The following ATG2B variants were observed in gnomAD, a reference collection of about 807,000 sequenced individuals.
ATG2B encodes the protein autophagy-related protein 2 homolog B.
In ATG2B, 121 loss-of-function variants were observed where a neutral mutation model predicts 241.3. The ratio of observed to expected loss-of-function variants is 0.50; its 90% CI spans 0.43 to 0.58. The LOEUF (loss-of-function observed/expected upper bound fraction) is 0.58, where lower values mean the gene tolerates loss of function less well. Among genes scored for constraint, ATG2B ranks in the 20% least tolerant of loss-of-function variants. The pLI is 0.00. For synonymous variants in ATG2B, 858 were observed against 876.6 expected (o/e 0.98, Z 0.37); for missense variants, 2,306 against 2,491.6 (o/e 0.93, Z 1.59).
intron 1 of ATG2B, among the ~76,000 whole-genome samples, chr14:96,349,871 G>T (rs1888267334): frequency 6.6e-6 from 1 of 152,170 alleles, no homozygotes; most frequent in Non-Finnish European, 1.5e-5. Context: ...TACAAACACA[G>T]AGGGTAGGTC....
rs771952867 is a variant in ATG2B, at chr14:96,290,409, A to G, written c.5856+27T>C. The G allele has an allele frequency of 3.8e-6, 6 of 1,594,458 alleles. No individual in the cohort carries two copies. The highest frequency in any genetic ancestry group is 5.1e-6 in the Non-Finnish European group (6 of 1,168,926). Reference sequence around the variant, plus strand: ...ACCATTTCACAATGGCTCTTTTTGGATAGACTAAGGCAGTCTAAAAAGATA... The same window carrying G: ...ACCATTTCACAATGGCTCTTTTTGGGTAGACTAAGGCAGTCTAAAAAGATA... On this transcript the variant is annotated intron_variant, in intron 40 of 41. Coordinates refer to ENST00000359933, the MANE Select transcript of ATG2B (RefSeq NM_018036.7). This position sits in a 1 kb window ranked among gnomAD's most constrained non-coding sequence, Gnocchi z 4.4.
chr14:96,317,543 A>G (rs1411939341), intron 19 of ATG2B, among the ~76,000 whole-genome samples, 155 bp downstream of exon 19: 26 of 152,382 alleles, frequency 1.7e-4, no homozygotes, highest in Admixed American at 1.3e-3. Flanking sequence ...ATATACAGAT[A>G]GAAATAAGGA....
intron 28 of ATG2B, among the ~76,000 whole-genome samples, chr14:96,310,212 T>G (rs548390157): frequency 2.0e-5 from 3 of 152,190 alleles, no homozygotes; most frequent in African/African-American, 7.2e-5. Context: ...GAAGAATGTT[T>G]TTTAAAAGGG....
intron 17 of ATG2B, 83 bp downstream of exon 17, chr14:96,322,457 T>G: frequency 7.0e-7 from 1 of 1,434,750 alleles, no homozygotes. Flanking sequence ...ACAAGGCATT[T>G]TTTTAAAAAT....
At chr14:96,340,036 G>T (rs1203463118) in intron 6 of ATG2B, among the ~76,000 whole-genome samples, 1 of 105,854 alleles carries the variant, frequency 9.4e-6, no homozygotes, top group African/African-American at 3.3e-5. Context: ...TTCACATAGT[G>T]AATATATATG....
chr14:96,341,716 C>CA lies in ATG2B; in HGVS notation c.745-16dup. ...GGCTCAGTTTCCTACAATAAAGTGA[C>CA]AAAAATAATTATTTAAAATACTTTC... On this transcript the variant is annotated splice_polypyrimidine_tract_variant and intron_variant, in intron 5 of 41. Transcript: ENST00000359933. The CA allele has an allele frequency of 6.8e-7, 1 of 1,479,066 alleles. No homozygotes were observed. The highest frequency in any genetic ancestry group is 9.0e-7 in the Non-Finnish European group (1 of 1,107,274). The allele number at this position is 1,479,066 out of a possible 1,614,324, so 91.6% of individuals were successfully genotyped here.
At chr14:96,292,161 TA>T in intron 36 of ATG2B, 63 bp from the exon 37 acceptor site, 1 of 1,031,580 alleles carries the variant, frequency 9.7e-7, no homozygotes, top group Non-Finnish European at 1.5e-6. Context: ...AAATTAGATA[TA>T]AATTAATTTG....
In ATG2B at chr14:96,289,589, C is replaced by A; in HGVS notation, c.6006+67G>T. ...CAGAATACATTTAAGCCATTAAATG[C>A]TCTTTAGGTGAAAGTTGGGAAAGCG... On this transcript the variant is annotated intron_variant, in intron 41 of 41. Transcript: ENST00000359933. The surrounding 1 kb of genome is among the most constrained non-coding windows in gnomAD (Gnocchi z 4.3). The A allele has an allele frequency of 6.4e-7, 1 of 1,570,000 alleles. No homozygotes were observed. Among genetic ancestry groups the A allele is most frequent in the Non-Finnish European group, 8.7e-7 (1 of 1,154,484 alleles).
chr14:96,331,660 A>G, intron 10 of ATG2B, 23 bp from the exon 11 acceptor site: 2 of 1,526,706 alleles, frequency 1.3e-6, no homozygotes, highest in South Asian at 1.3e-5. Flanking sequence ...TATTAAAATT[A>G]TATACATAAA....
At chr14:96,350,671 T>C (rs1380905153) in intron 1 of ATG2B, among the ~76,000 whole-genome samples, 2 of 152,246 alleles carry the variant, frequency 1.3e-5, no homozygotes, top group Admixed American at 6.5e-5. Context: ...TAGGGTAGTA[T>C]AATTCTTTGT....
At chr14:96,361,497 C>T (rs1256828936) in intron 1 of ATG2B, among the ~76,000 whole-genome samples, 4 of 152,044 alleles carry the variant, frequency 2.6e-5, no homozygotes, top group Non-Finnish European at 5.9e-5. Context: ...CCTCTTTTTT[C>T]AAGATAACCT....
rs542807745 is a variant in ATG2B, at chr14:96,336,188, A to G, written c.925-1687T>C. Among the ~76,000 whole-genome samples the G allele has an allele frequency of 9.5e-4, 145 of 152,152 alleles. 1 individual carries two copies. The highest frequency in any genetic ancestry group is 3.3e-3 in the African/African-American group (137 of 41,522). ...AAAAAAACATGAAATCTTTCATAACATTTTGAATCCACAGTTGAAAGAGTT... is the reference window on the plus strand; with the variant it reads ...AAAAAAACATGAAATCTTTCATAACGTTTTGAATCCACAGTTGAAAGAGTT... On this transcript the variant is annotated intron_variant, in intron 6 of 41. Coordinates refer to ENST00000359933, the MANE Select transcript of ATG2B (RefSeq NM_018036.7).
At chr14:96,333,654 T>C (rs1218804944) in intron 8 of ATG2B, 34 bp downstream of exon 8, 1 of 1,584,388 alleles carries the variant, frequency 6.3e-7, no homozygotes, top group East Asian at 2.2e-5. Flanking sequence ...GATTATAATA[T>C]ATGATTCTGG....
chr14:96,291,317 G>A (rs1886478297), intron 38 of ATG2B, among the ~76,000 whole-genome samples: 1 of 152,096 alleles, frequency 6.6e-6, no homozygotes, highest in African/African-American at 2.4e-5. Flanking sequence ...TTGCTACTAA[G>A]AACTTCCAAT....
At chr14:96,308,255 C>CAT (rs1162236859) in intron 29 of ATG2B, among the ~76,000 whole-genome samples, 425 of 29,342 alleles carry the variant, frequency 0.014, 25 homozygotes, top group African/African-American at 0.055. Flanking sequence ...TATATATACA[C>CAT]ACATATATAT....
chr14:96,353,408 T>C (rs1372071677), intron 1 of ATG2B, among the ~76,000 whole-genome samples: 1 of 152,140 alleles, frequency 6.6e-6, no homozygotes, highest in Non-Finnish European at 1.5e-5. Flanking sequence ...GCAGATTGCC[T>C]GAGCTCAGGA....
rs982867598 is a variant in ATG2B at position 96,289,254 on chromosome 14, G to A, written c.6006+402C>T. Among the ~76,000 whole-genome samples the A allele has an allele frequency of 1.3e-5, 2 of 152,160 alleles. No individual in the cohort carries two copies. Among genetic ancestry groups the A allele is most frequent in the East Asian group, 1.9e-4 (1 of 5,192 alleles). ...ACATGTACAAAAAAATATGTTCCAC[G>A]TTCAGCATAGTGAAGGCATGGGAAT... On this transcript the variant is annotated intron_variant, in intron 41 of 41. Transcript: ENST00000359933. This position sits in a 1 kb window ranked among gnomAD's most constrained non-coding sequence, Gnocchi z 4.3.
chr14:96,284,951 A>G lies in ATG2B; in HGVS notation c.*804T>C, dbSNP rs1886296241. ...ACTATACCTGCTTAAAACTGAAAAT[A>G]TAAACAATTACATGGGCCCCACTTC... On this transcript the variant is annotated 3_prime_UTR_variant, in exon 42 of 42. Transcript: ENST00000359933. 1 of 152,222 alleles carries G rather than the reference A, an allele frequency of 6.6e-6. No homozygotes were observed. The highest frequency in any genetic ancestry group is 2.1e-4 in the South Asian group (1 of 4,822). The allele number at this position is 152,222 out of a possible 1,614,324, so 9.4% of individuals were successfully genotyped here.
chr14:96,305,877 G>T, intron 30 of ATG2B, 62 bp from the exon 31 acceptor site: 1 of 1,303,292 alleles, frequency 7.7e-7, no homozygotes, highest in Non-Finnish European at 1.1e-6. Context: ...TGATTATGCT[G>T]CACATCTCAA....
Sources: gnomAD v4.1 joint callset for allele counts (sites outside exome capture counted in the v4.1 genomes callset) on GRCh38, gnomAD v4.1.1 for gene constraint, Gnocchi (gnomAD v3.1) non-coding constraint, MANE v1.5 for transcripts, NCBI Gene and HGNC (gene_info 2026-07-23, HGNC 2026-07-21) for gene names.